DOCK10: variants seen among roughly 807,000 people sequenced by gnomAD.
DOCK10 encodes the protein dedicator of cytokinesis 10.
A neutral mutation model predicts 280.1 loss-of-function variants in DOCK10; 145 were observed. The ratio of observed to expected loss-of-function variants is 0.52; its 90% CI spans 0.45 to 0.59. DOCK10 has a LOEUF of 0.59. Ranked by LOEUF, DOCK10 falls within the 20% of genes least tolerant of loss-of-function variation. The probability of loss-of-function intolerance (pLI) is 0.00; values close to 1 mark genes in which losing one functional copy is unlikely to be tolerated. For missense variants in DOCK10, 2,368 were observed against 2,651.7 expected, an observed-to-expected ratio of 0.89 and a Z score of 2.35; for synonymous variants, 915 against 942.2, an observed-to-expected ratio of 0.97 and a Z score of 0.53.
At chr2:225,025,072 C>T (rs189871445) in intron 1 of DOCK10, among the ~76,000 whole-genome samples, 1 of 152,176 alleles carries the variant, frequency 6.6e-6, no homozygotes. Context: ...GTTCTAGGAA[C>T]TCATTTATAG....
chr2:224,788,680 A>G (rs1363252534), intron 48 of DOCK10, among the ~76,000 whole-genome samples: 3 of 152,198 alleles, frequency 2.0e-5, no homozygotes, highest in Admixed American at 2.0e-4. Context: ...TTTCCATAAC[A>G]GAAGGTTTTC....
rs182408018 is a variant in DOCK10 at position 224,981,967 on chromosome 2, G to A, written c.124-50299C>T. Among the ~76,000 whole-genome samples the A allele has an allele frequency of 3.7e-3, 563 of 152,282 alleles. 1 individual carries two copies. Among genetic ancestry groups the A allele is most frequent in the African/African-American group, 0.013 (521 of 41,550 alleles). ...ATAACAACATGCAAACCATGAGGCAGAAGAGAATTTCTGGTAGACCGAGAA... is the reference window on the plus strand; with the variant it reads ...ATAACAACATGCAAACCATGAGGCAAAAGAGAATTTCTGGTAGACCGAGAA... On this transcript the variant is annotated intron_variant, in intron 1 of 55. Transcript: ENST00000258390.
intron 27 of DOCK10, among the ~76,000 whole-genome samples, chr2:224,825,555 CTA>C (rs147305894): frequency 0.097 from 14,795 of 152,202 alleles, 949 homozygotes; most frequent in Middle Eastern, 0.18. Flanking sequence ...TGTTAGTCCT[CTA>C]AAATTCCTTA....
intron 1 of DOCK10, among the ~76,000 whole-genome samples, chr2:225,015,492 A>C (rs995135884): frequency 5.9e-5 from 9 of 152,144 alleles, no homozygotes; most frequent in Non-Finnish European, 1.3e-4. Context: ...CTGGGGTTTT[A>C]GACTGTAGAC....
intron 11 of DOCK10, among the ~76,000 whole-genome samples, chr2:224,872,952 A>G (rs143873202): frequency 6.6e-6 from 1 of 152,354 alleles, no homozygotes; most frequent in African/African-American, 2.4e-5. Flanking sequence ...TTAAAAAATA[A>G]TTCAACATTT....
At chr2:224,988,327 T>C (rs1209741650) in intron 1 of DOCK10, among the ~76,000 whole-genome samples, 3 of 152,218 alleles carry the variant, frequency 2.0e-5, no homozygotes, top group Non-Finnish European at 4.4e-5. Context: ...GCTTACCTTG[T>C]TTGCTATATA....
chr2:224,790,072 C>T (rs1043329114), intron 47 of DOCK10, among the ~76,000 whole-genome samples: 5 of 152,308 alleles, frequency 3.3e-5, no homozygotes, highest in East Asian at 1.9e-4. Context: ...TGAGCCACTG[C>T]GCCTGGCCAA....
chr2:224,973,162 A>G (rs914752487), intron 1 of DOCK10, among the ~76,000 whole-genome samples: 1 of 152,240 alleles, frequency 6.6e-6, no homozygotes, highest in Admixed American at 6.5e-5. Context: ...AGCAAGTGCC[A>G]GGCACTCTTA....
intron 55 of DOCK10, among the ~76,000 whole-genome samples, chr2:224,766,510 T>C (rs1180599023): frequency 6.6e-6 from 1 of 152,196 alleles, no homozygotes; most frequent in Non-Finnish European, 1.5e-5. Flanking sequence ...GCTGAGAGCA[T>C]CCTATACTAC....
chr2:224,898,591 T>C (rs1338210946), intron 3 of DOCK10, among the ~76,000 whole-genome samples: 1 of 152,200 alleles, frequency 6.6e-6, no homozygotes, highest in Non-Finnish European at 1.5e-5. Context: ...TGAGCCTTTT[T>C]TTTGAGACGG....
chr2:224,974,878 G>A (rs899318435), intron 1 of DOCK10, among the ~76,000 whole-genome samples: 1 of 103,886 alleles, frequency 9.6e-6, no homozygotes, highest in Non-Finnish European at 2.5e-5. Flanking sequence ...ATATACGTGT[G>A]TGTGTGATAT....
intron 11 of DOCK10, among the ~76,000 whole-genome samples, chr2:224,873,047 A>T (rs1189940705): frequency 6.6e-6 from 1 of 152,188 alleles, no homozygotes; most frequent in Non-Finnish European, 1.5e-5. Context: ...ACTAAGACGA[A>T]GTTTTCAAGA....
At position 224,789,057 on chromosome 2, in the gene DOCK10, G is replaced by C. The variant is rs1397486904; in HGVS notation, c.5418+7C>G. ...CGTTACTGTACATGAGATAATTTTGGTCTAACCTCATTGTATGGTGTATCT... is the reference window on the plus strand; with the variant it reads ...CGTTACTGTACATGAGATAATTTTGCTCTAACCTCATTGTATGGTGTATCT... On this transcript the variant is annotated splice_region_variant and intron_variant, in intron 48 of 55. Transcript: ENST00000258390. 1 of 1,591,728 alleles carries C rather than the reference G, an allele frequency of 6.3e-7. No individual in the cohort carries two copies. The highest frequency in any genetic ancestry group is 1.7e-5 in the Admixed American group (1 of 59,778).
chr2:224,797,903 A>G lies in DOCK10; in HGVS notation c.4573T>C (p.Phe1525Leu). Reference protein sequence around the residue: ...MKRVFDTYMLFFQVNQSATAL... With the variant: ...MKRVFDTYMLLFQVNQSATAL... ...GTGGCTGACTGATTGACTTGGAAAA[A>G]GAGCATGTAGGTATCAAAGACCCTT... Residue 1525 changes from phenylalanine to leucine, a missense_variant, in exon 42 of 56, where the codon TTT becomes CTT. By Grantham distance (22) the Phe-to-Leu change is conservative. Coordinates refer to ENST00000258390, the MANE Select transcript of DOCK10 (RefSeq NM_014689.3). 2 of 1,613,940 alleles carry G rather than the reference A, an allele frequency of 1.2e-6. No homozygotes were observed. Among genetic ancestry groups the G allele is most frequent in the Non-Finnish European group, 8.5e-7 (1 of 1,179,806 alleles).
At chr2:224,999,526 AT>A (rs982240115) in intron 1 of DOCK10, among the ~76,000 whole-genome samples, 1 of 111,418 alleles carries the variant, frequency 9.0e-6, no homozygotes, top group Non-Finnish European at 1.8e-5. Context: ...CTCTTTCCTT[AT>A]TTTCTCTATT....
chr2:225,035,573 T>TATAATATATATATATATATATATATATA (rs1553634924), intron 1 of DOCK10, among the ~76,000 whole-genome samples: 1 of 44,134 alleles, frequency 2.3e-5, no homozygotes, highest in Non-Finnish European at 6.0e-5. Context: ...TATATATATA[T>TATAATATATATATATATATATATATATA]ATATATATAT....
At chr2:224,987,304 C>G (rs963247306) in intron 1 of DOCK10, among the ~76,000 whole-genome samples, 1 of 152,220 alleles carries the variant, frequency 6.6e-6, no homozygotes, top group South Asian at 2.1e-4. Flanking sequence ...GAACAATTTA[C>G]AGGCACAGCA....
chr2:224,925,477 C>G (rs527476903), intron 2 of DOCK10, among the ~76,000 whole-genome samples: 2 of 152,304 alleles, frequency 1.3e-5, no homozygotes, highest in East Asian at 3.9e-4. Flanking sequence ...TAATGAGACT[C>G]TTAGGTGACT....
intron 27 of DOCK10, among the ~76,000 whole-genome samples, chr2:224,825,643 C>T (rs182671636): frequency 1.3e-5 from 2 of 152,298 alleles, no homozygotes; most frequent in Non-Finnish European, 2.9e-5. Context: ...TTGTTCCTTC[C>T]TCTTTACACC....
Sources: gnomAD v4.1 joint callset for allele counts (sites outside exome capture counted in the v4.1 genomes callset) on GRCh38, gnomAD v4.1.1 for gene constraint, MANE v1.5 for transcripts, NCBI Gene and HGNC (gene_info 2026-07-23, HGNC 2026-07-21) for gene names.